Variants in RIMS1 observed in about 807,000 individuals in gnomAD.
The protein encoded by RIMS1 is regulating synaptic membrane exocytosis 1.
RIMS1 carries 83 observed loss-of-function variants against 214.1 expected under a neutral mutation model. The ratio of observed to expected loss-of-function variants is 0.39; its 90% CI spans 0.32 to 0.47. The LOEUF is 0.47. RIMS1 is among the 20% of genes least tolerant of loss of function. The pLI is 0.99. For missense variants in RIMS1, 2,050 were observed against 2,161.8 expected (o/e 0.95, Z 1.03); for synonymous variants, 793 against 786.8 (o/e 1.01, Z -0.13).
intron 2 of RIMS1, among the ~76,000 whole-genome samples, chr6:72,052,192 C>G (rs1172067517): frequency 6.6e-6 from 1 of 152,138 alleles, no homozygotes; most frequent in Non-Finnish European, 1.5e-5. Flanking sequence ...AGTGTGTAGT[C>G]CTCACAATAT....
chr6:71,892,997 A>G (rs988429032), intron 1 of RIMS1, among the ~76,000 whole-genome samples: 14 of 152,228 alleles, frequency 9.2e-5, no homozygotes, highest in Non-Finnish European at 1.6e-4. Context: ...GGAATTTATA[A>G]TGGCAGTCCT....
At chr6:72,394,322 A>G (rs947555626) in intron 31 of RIMS1, among the ~76,000 whole-genome samples, 3 of 152,192 alleles carry the variant, frequency 2.0e-5, no homozygotes, top group Admixed American at 2.0e-4. Context: ...AGTGTAGGGA[A>G]AAAGAAGGTC....
intron 1 of RIMS1, among the ~76,000 whole-genome samples, chr6:71,908,336 G>A (rs1018079324): frequency 2.6e-5 from 4 of 152,210 alleles, no homozygotes; most frequent in Non-Finnish European, 5.9e-5. Flanking sequence ...TATAATGCCA[G>A]TCATTTCCGG....
intron 6 of RIMS1, among the ~76,000 whole-genome samples, chr6:72,215,652 ATTT>A (rs2055610642): frequency 6.6e-6 from 1 of 152,202 alleles, no homozygotes; most frequent in African/African-American, 2.4e-5. Flanking sequence ...ATTGATGTTT[ATTT>A]CCCTTTTGCT....
At chr6:71,962,282 C>T (rs73547313) in intron 1 of RIMS1, among the ~76,000 whole-genome samples, 2,461 of 152,166 alleles carry the variant, frequency 0.016, 67 homozygotes, top group African/African-American at 0.056. Flanking sequence ...AGTTTATTAT[C>T]ACTTTTATTT....
At chr6:72,136,255 GA>G (rs2041258024) in intron 4 of RIMS1, among the ~76,000 whole-genome samples, 4 of 151,814 alleles carry the variant, frequency 2.6e-5, no homozygotes, top group Non-Finnish European at 5.9e-5. Flanking sequence ...AGTTCCAGAA[GA>G]TGAAAAAAGA....
rs766431480 is a variant in RIMS1, at chr6:72,266,067, T to C, written c.3398+18T>C. ...CGAGAAAGGTATAAAATAAAGACTT[T>C]CTTAATTTCTTATCATTTGTACTAG... On this transcript the variant is annotated intron_variant, in intron 22 of 33. Coordinates refer to ENST00000521978, the MANE Select transcript of RIMS1 (RefSeq NM_014989.7). 8 of 1,508,612 alleles carry C rather than the reference T, an allele frequency of 5.3e-6. No individual in the cohort carries two copies. Among genetic ancestry groups the C allele is most frequent in the South Asian group, 1.2e-5 (1 of 83,360 alleles). 93.5% of individuals were successfully genotyped at this position (1,508,612 alleles called of 1,614,324 possible).
chr6:71,910,532 A>G (rs921680613), intron 1 of RIMS1, among the ~76,000 whole-genome samples: 25 of 152,208 alleles, frequency 1.6e-4, no homozygotes, highest in Middle Eastern at 3.4e-3. Flanking sequence ...GAACATACTC[A>G]TTCCTACTCA....
chr6:71,951,042 G>T (rs188062662), intron 1 of RIMS1, among the ~76,000 whole-genome samples: 3 of 152,268 alleles, frequency 2.0e-5, no homozygotes, highest in Non-Finnish European at 4.4e-5. Context: ...CTTAAAATCA[G>T]CATGCAAACA....
At chr6:72,329,692 A>G (rs2096594514) in intron 28 of RIMS1, among the ~76,000 whole-genome samples, 1 of 151,790 alleles carries the variant, frequency 6.6e-6, no homozygotes, top group African/African-American at 2.4e-5. Flanking sequence ...ATGTTAGGGA[A>G]TGCTCAAGAA....
At chr6:72,265,900 T>G in intron 21 of RIMS1, 60 bp from the exon 22 acceptor site, 3 of 1,211,400 alleles carry the variant, frequency 2.5e-6, no homozygotes, top group Non-Finnish European at 3.5e-6. Context: ...AACATGGTCT[T>G]CCTTTCTTTG....
At chr6:71,948,187 A>G (rs1253250654) in intron 1 of RIMS1, among the ~76,000 whole-genome samples, 1 of 152,160 alleles carries the variant, frequency 6.6e-6, no homozygotes, top group African/African-American at 2.4e-5. Flanking sequence ...CATCCATCAA[A>G]CAGGCCTCAT....
chr6:72,381,138 C>G (rs980441967), intron 29 of RIMS1, among the ~76,000 whole-genome samples: 2 of 152,132 alleles, frequency 1.3e-5, no homozygotes, highest in African/African-American at 4.8e-5. Flanking sequence ...TCTTCTGAGG[C>G]TCTCTCCTTG....
chr6:72,306,472 G>T (rs2095179403), intron 26 of RIMS1, among the ~76,000 whole-genome samples: 1 of 152,156 alleles, frequency 6.6e-6, no homozygotes, highest in African/African-American at 2.4e-5. Flanking sequence ...AGGTTTTGAA[G>T]TGATGTTGCT....
At chr6:72,319,614 C>T (rs1383284684) in intron 28 of RIMS1, among the ~76,000 whole-genome samples, 1 of 152,016 alleles carries the variant, frequency 6.6e-6, no homozygotes, top group Non-Finnish European at 1.5e-5. Flanking sequence ...TTCTACTAAC[C>T]AATATTGAGA....
intron 29 of RIMS1, among the ~76,000 whole-genome samples, chr6:72,370,313 C>G (rs1422777228): frequency 6.6e-6 from 1 of 152,156 alleles, no homozygotes; most frequent in Non-Finnish European, 1.5e-5. Flanking sequence ...TTTCAAGACA[C>G]AGTAGATAAT....
At chr6:72,050,268 C>T (rs77651232) in intron 2 of RIMS1, among the ~76,000 whole-genome samples, 8 of 152,276 alleles carry the variant, frequency 5.3e-5, no homozygotes, top group African/African-American at 1.7e-4. Context: ...AAGGACTAGA[C>T]ATCAAATTAT....
At chr6:71,953,238 G>T (rs559215630) in intron 1 of RIMS1, among the ~76,000 whole-genome samples, 2 of 151,944 alleles carry the variant, frequency 1.3e-5, no homozygotes, top group African/African-American at 4.8e-5. Context: ...ATCCACCCGC[G>T]TTAACTTCCC....
At chr6:72,174,502 A>AT (rs561331532) in intron 4 of RIMS1, among the ~76,000 whole-genome samples, 32 of 152,230 alleles carry the variant, frequency 2.1e-4, no homozygotes, top group African/African-American at 7.2e-4. Flanking sequence ...AAATAATTTG[A>AT]TTTTTTCTAA....
Sources: gnomAD v4.1 joint callset for allele counts (sites outside exome capture counted in the v4.1 genomes callset) on GRCh38, gnomAD v4.1.1 for gene constraint, MANE v1.5 for transcripts, NCBI Gene and HGNC (gene_info 2026-07-23, HGNC 2026-07-21) for gene names.